The following XCR1 variants were observed in gnomAD, a reference collection of about 807,000 sequenced individuals.
XCR1 encodes X-C motif chemokine receptor 1.
For missense variants in XCR1, 356 were observed against 424.2 expected (o/e 0.84, Z 1.41); for synonymous variants, 187 against 188.5 (o/e 0.99, Z 0.06).
upstream of XCR1, among the ~76,000 whole-genome samples, chr3:46,028,783 G>A (rs1708349097): frequency 6.6e-6 from 1 of 151,680 alleles, no homozygotes; most frequent in African/African-American, 2.4e-5. Flanking sequence ...GTAGAGACAG[G>A]GTCTCACTAT....
chr3:46,068,574 CA>C (rs1320371981), intron 3 of XCR1, among the ~76,000 whole-genome samples: 1 of 152,138 alleles, frequency 6.6e-6, no homozygotes, highest in African/African-American at 2.4e-5. Flanking sequence ...TCAACCCAGA[CA>C]TTGAAATATT....
intron 5 of XCR1, among the ~76,000 whole-genome samples, chr3:46,042,433 CAGTT>C (rs1288788277): frequency 4.0e-5 from 6 of 151,868 alleles, no homozygotes; most frequent in Non-Finnish European, 5.9e-5. Flanking sequence ...AGTAAAGAGA[CAGTT>C]AGAGATATAT....
At chr3:46,041,594 G>A (rs913487307) in intron 5 of XCR1, among the ~76,000 whole-genome samples, 12 of 152,146 alleles carry the variant, frequency 7.9e-5, no homozygotes, top group African/African-American at 2.7e-4. Context: ...CATGATTGAG[G>A]AATTTATAAA....
chr3:46,058,255 G>A (rs1160995687), intron 4 of XCR1, among the ~76,000 whole-genome samples: 1 of 152,140 alleles, frequency 6.6e-6, no homozygotes, highest in Non-Finnish European at 1.5e-5. Context: ...TAAGGTTCTG[G>A]TGATCATGTA....
At chr3:46,058,079 G>T (rs946752694) in intron 4 of XCR1, among the ~76,000 whole-genome samples, 1 of 152,114 alleles carries the variant, frequency 6.6e-6, no homozygotes, top group African/African-American at 2.4e-5. Flanking sequence ...TTTAGGTAAT[G>T]GAAGTGGTTC....
intron 5 of XCR1, among the ~76,000 whole-genome samples, chr3:46,035,801 C>A (rs1183824671): frequency 1.3e-5 from 2 of 152,166 alleles, no homozygotes; most frequent in African/African-American, 2.4e-5. Flanking sequence ...GAGGGAAGCA[C>A]CCTGTTTCAC....
chr3:46,068,814 T>C (rs561531669), intron 3 of XCR1, among the ~76,000 whole-genome samples: 1 of 152,010 alleles, frequency 6.6e-6, no homozygotes, highest in Admixed American at 6.6e-5. Context: ...GTATGGTTTC[T>C]TATATATTTT....
At chr3:46,058,899 T>C (rs949023756) in intron 4 of XCR1, among the ~76,000 whole-genome samples, 5 of 152,078 alleles carry the variant, frequency 3.3e-5, no homozygotes, top group African/African-American at 7.2e-5. Flanking sequence ...AGGCATTGAT[T>C]GGGAAGTAAT....
chr3:46,077,957 T>G (rs1169715819), intron 1 of XCR1, among the ~76,000 whole-genome samples: 1 of 152,162 alleles, frequency 6.6e-6, no homozygotes, highest in Non-Finnish European at 1.5e-5. Flanking sequence ...GGGCAAAGAC[T>G]GAAAAACCAC....
chr3:46,057,882 GTCTATCTA>G (rs147836844), intron 4 of XCR1, among the ~76,000 whole-genome samples: 10,209 of 134,684 alleles, frequency 0.076, 388 homozygotes, highest in Non-Finnish European at 0.092. Flanking sequence ...TTATCTGTCT[GTCTATCTA>G]TCTATCTATC....
chr3:46,035,748 G>T (rs1041769182), intron 5 of XCR1, among the ~76,000 whole-genome samples: 1 of 152,156 alleles, frequency 6.6e-6, no homozygotes, highest in Non-Finnish European at 1.5e-5. Flanking sequence ...GGAAATTTTT[G>T]AAAGAATTTC....
chr3:46,054,549 G>GGC (rs1190230514), intron 4 of XCR1, among the ~76,000 whole-genome samples: 5 of 128,340 alleles, frequency 3.9e-5, no homozygotes, highest in African/African-American at 2.1e-4. Context: ...AAAAGGACGA[G>GGC]GGGGGGGCGA....
chr3:46,066,995 G>A (rs1698089500), intron 3 of XCR1, among the ~76,000 whole-genome samples: 1 of 152,170 alleles, frequency 6.6e-6, no homozygotes, highest in African/African-American at 2.4e-5. Flanking sequence ...TACAGAGTCA[G>A]ACCTCAATAC....
At chr3:46,080,593 C>G (rs73830728) in intron 1 of XCR1, among the ~76,000 whole-genome samples, 6 of 152,014 alleles carry the variant, frequency 3.9e-5, no homozygotes, top group Non-Finnish European at 8.8e-5. Context: ...CCCCAGCCCC[C>G]CTGCCAAACA....
intron 5 of XCR1, among the ~76,000 whole-genome samples, chr3:46,047,043 G>A (rs539886361): frequency 7.9e-5 from 12 of 152,186 alleles, no homozygotes; most frequent in Non-Finnish European, 1.3e-4. Flanking sequence ...CCATAGAACC[G>A]TGGATTTCAA....
intron 4 of XCR1, among the ~76,000 whole-genome samples, chr3:46,060,536 G>C (rs1404434388): frequency 6.6e-6 from 1 of 152,134 alleles, no homozygotes; most frequent in African/African-American, 2.4e-5. Flanking sequence ...AAAGTGGCAG[G>C]GTGGCAGTTT....
At chr3:46,060,395 T>C (rs963155558) in intron 4 of XCR1, among the ~76,000 whole-genome samples, 3 of 152,212 alleles carry the variant, frequency 2.0e-5, no homozygotes, top group South Asian at 2.1e-4. Flanking sequence ...GAATCTCTTG[T>C]ATTACAAATA....
chr3:46,043,934 C>A (rs994575597), intron 5 of XCR1, among the ~76,000 whole-genome samples: 4 of 152,088 alleles, frequency 2.6e-5, no homozygotes, highest in Non-Finnish European at 4.4e-5. Context: ...TTGTTTTCCA[C>A]TTTTTTATAG....
At chr3:46,040,481 C>T (rs1175571613) in intron 5 of XCR1, among the ~76,000 whole-genome samples, 1 of 152,054 alleles carries the variant, frequency 6.6e-6, no homozygotes. Flanking sequence ...CAAGCATTGT[C>T]AAATGTGAAG....
Sources: gnomAD v4.1 joint callset for allele counts (sites outside exome capture counted in the v4.1 genomes callset) on GRCh38, gnomAD v4.1.1 for gene constraint, MANE v1.5 for transcripts, NCBI Gene and HGNC (gene_info 2026-07-23, HGNC 2026-07-21) for gene names.